The following NRG1 variants were observed in gnomAD, a reference collection of about 807,000 sequenced individuals.
NRG1 encodes the protein pro-neuregulin-1, membrane-bound isoform.
A neutral mutation model predicts 63.8 loss-of-function variants in NRG1; 18 were observed. The observed-to-expected ratio is 0.28, with a 90% CI of 0.19 to 0.42. The LOEUF (loss-of-function observed/expected upper bound fraction) is 0.42, where lower values mean the gene tolerates loss of function less well. Among genes scored for constraint, NRG1 ranks in the 10% least tolerant of loss-of-function variants. The pLI is 1.00. For missense variants in NRG1, 762 were observed against 814.7 expected, an observed-to-expected ratio of 0.94 and a Z score of 0.79; for synonymous variants, 302 against 301.3, an observed-to-expected ratio of 1.00 and a Z score of -0.02.
Position 32,141,009 on chromosome 8 carries a change from CTT to C in NRG1, c.38-454815_38-454814del, listed in dbSNP as rs112499391. Among the ~76,000 whole-genome samples, 728 of 152,196 alleles carry C rather than the reference CTT, an allele frequency of 4.8e-3. 9 individuals carry two copies. The highest frequency in any genetic ancestry group is 0.016 in the African/African-American group (670 of 41,538). ...TGTCTCTCTCTGTTTCTGTCTCTCT[CTT>C]TTTCTCTGTCAATTATTTTATTCTG... is the stretch of plus-strand genomic sequence containing the variant. On this transcript the variant is annotated intron_variant, in intron 1 of 10. Coordinates refer to the NRG1 transcript ENST00000519301.
chr8:31,767,419 T>C (rs896397848), intron 1 of NRG1, among the ~76,000 whole-genome samples: 1 of 152,222 alleles, frequency 6.6e-6, no homozygotes, highest in African/African-American at 2.4e-5. Flanking sequence ...ATCCCAGTGT[T>C]GTATGTATGC....
chr8:32,295,894 G>A (rs184355197), intron 1 of NRG1, among the ~76,000 whole-genome samples: 2 of 146,570 alleles, frequency 1.4e-5, no homozygotes, highest in East Asian at 2.1e-4. Context: ...CCAAGATCGC[G>A]CCATTGCACT....
chr8:31,830,508 C>T (rs1035077641), intron 1 of NRG1, among the ~76,000 whole-genome samples: 5 of 152,108 alleles, frequency 3.3e-5, no homozygotes, highest in South Asian at 2.1e-4. Flanking sequence ...ATTAAACTAA[C>T]CAGTGAAGAT....
chr8:31,847,421 A>G (rs1377746882), intron 1 of NRG1, among the ~76,000 whole-genome samples: 1 of 152,236 alleles, frequency 6.6e-6, no homozygotes. Context: ...TATGGGTTAC[A>G]TAGTGATGAA....
intron 6 of NRG1, among the ~76,000 whole-genome samples, chr8:32,732,142 T>C (rs1372777125): frequency 6.6e-6 from 1 of 152,236 alleles, no homozygotes; most frequent in African/African-American, 2.4e-5. Context: ...GGAATTTCAG[T>C]GGTAGTTCTC....
At chr8:32,715,785 AG>A (rs1210996217) in intron 5 of NRG1, among the ~76,000 whole-genome samples, 1 of 151,944 alleles carries the variant, frequency 6.6e-6, no homozygotes, top group African/African-American at 2.4e-5. Flanking sequence ...TAGCCTCCTG[AG>A]GCGTGTGCCA....
At chr8:32,565,693 T>C (rs1483137840) in intron 1 of NRG1, among the ~76,000 whole-genome samples, 2 of 152,202 alleles carry the variant, frequency 1.3e-5, no homozygotes, top group African/African-American at 2.4e-5. Context: ...ATTTTCAAGG[T>C]CCCTGTAGAT....
chr8:32,739,485 C>A (rs1042902781), intron 6 of NRG1, among the ~76,000 whole-genome samples: 3 of 152,162 alleles, frequency 2.0e-5, no homozygotes, highest in Non-Finnish European at 4.4e-5. Context: ...GACTTTCATA[C>A]CTCAAGTAGT....
At chr8:32,099,453 A>C (rs916919743) in intron 1 of NRG1, 1 of 152,216 alleles carries the variant, frequency 6.6e-6, no homozygotes, top group Non-Finnish European at 1.5e-5. Flanking sequence ...CCATCTAAGG[A>C]AGTTGGTTTG....
At chr8:31,777,505 A>G (rs1349951989) in intron 1 of NRG1, among the ~76,000 whole-genome samples, 1 of 152,164 alleles carries the variant, frequency 6.6e-6, no homozygotes, top group Non-Finnish European at 1.5e-5. Context: ...GTAGAGGGGG[A>G]GCTGGCACTA....
At chr8:32,608,072 T>C (rs1343103798) in intron 3 of NRG1, among the ~76,000 whole-genome samples, 1 of 149,508 alleles carries the variant, frequency 6.7e-6, no homozygotes, top group Non-Finnish European at 1.5e-5. Context: ...CAAAAGGAGA[T>C]ATGAACCCAG....
rs370934724 is a variant in NRG1, at chr8:31,942,138, A to G, written c.37+302707A>G. ...GCATCACATTATCTAACATGAAACT[A>G]TATTATAAGGCAATAGTCACCAAAA... On this transcript the variant is annotated intron_variant, in intron 1 of 10. Transcript: ENST00000519301. Among the ~76,000 whole-genome samples the G allele has an allele frequency of 3.9e-5, 6 of 152,296 alleles. No homozygotes were observed. The East Asian group carries it at 5.8e-4, about 15-fold the overall frequency.
rs534265769 is a variant in NRG1, at chr8:32,164,906, T to G, written c.38-430922T>G. The stretch of plus-strand genomic sequence containing the variant: ...TTGCCTCTATATTGAGGATTGCTGT[T>G]TCATCTTTGGAGTTACAATGTCCCA... On this transcript the variant is annotated intron_variant, in intron 1 of 10. Transcript: ENST00000519301. 8.5e-5 allele frequency among the ~76,000 whole-genome samples: 13 copies of G among 152,250 alleles called. No individual in the cohort carries two copies. In the South Asian group the frequency reaches 2.7e-3, roughly 32 times the overall value.
chr8:32,535,638 T>G (rs955186980), intron 1 of NRG1, among the ~76,000 whole-genome samples: 10 of 152,228 alleles, frequency 6.6e-5, no homozygotes, highest in South Asian at 4.1e-4. Flanking sequence ...AGAGACAGGA[T>G]GATCTACAAA....
chr8:32,192,718 A>G (rs1842610631), intron 1 of NRG1, among the ~76,000 whole-genome samples: 1 of 152,192 alleles, frequency 6.6e-6, no homozygotes, highest in Non-Finnish European at 1.5e-5. Flanking sequence ...CTGCACATGT[A>G]CCAATGAATC....
chr8:32,519,227 C>A (rs1046808722), intron 1 of NRG1, among the ~76,000 whole-genome samples: 3 of 151,928 alleles, frequency 2.0e-5, no homozygotes, highest in Non-Finnish European at 4.4e-5. Flanking sequence ...ACATCAAATT[C>A]TTATAAAGGA....
At chr8:32,446,356 A>G (rs1820242722) in intron 1 of NRG1, among the ~76,000 whole-genome samples, 1 of 152,178 alleles carries the variant, frequency 6.6e-6, no homozygotes. Context: ...AAGAGTTTAT[A>G]GAAAGACTAA....
intron 1 of NRG1, among the ~76,000 whole-genome samples, chr8:32,087,024 C>G (rs961289903): frequency 1.3e-5 from 2 of 152,132 alleles, no homozygotes; most frequent in Non-Finnish European, 2.9e-5. Context: ...CATCGAATAG[C>G]ATCTCCCCAT....
At chr8:31,673,631 T>C (rs1807382343) in intron 1 of NRG1, among the ~76,000 whole-genome samples, 1 of 152,160 alleles carries the variant, frequency 6.6e-6, no homozygotes, top group Non-Finnish European at 1.5e-5. Context: ...TTAGCAGTGA[T>C]GATTATATTC....
Sources: allele counts gnomAD v4.1 joint callset (sites outside exome capture counted in the v4.1 genomes callset), GRCh38; gene constraint gnomAD v4.1.1; transcripts MANE v1.5; gene names NCBI Gene and HGNC (gene_info 2026-07-23, HGNC 2026-07-21).